ZIC1: variants seen among roughly 807,000 people sequenced by gnomAD.
ZIC1 encodes Zic family zinc finger 1, also known as zinc finger protein ZIC 1.
In ZIC1, 4 loss-of-function variants were observed where a neutral mutation model predicts 30.9. The observed-to-expected ratio is 0.13, with a 90% CI of 0.06 to 0.30. The LOEUF (loss-of-function observed/expected upper bound fraction) is 0.30, where lower values mean the gene tolerates loss of function less well. ZIC1 is among the 10% of genes least tolerant of loss of function. ZIC1 has a pLI of 1.00. For synonymous variants in ZIC1, 305 were observed against 277.5 expected (o/e 1.10, Z -0.98); for missense variants, 441 against 639.3 (o/e 0.69, Z 3.34).
chr3:147,410,077 G>C lies in ZIC1; in HGVS notation c.-36G>C, dbSNP rs537795676. 2 of 1,437,836 alleles carry C rather than the reference G, an allele frequency of 1.4e-6. No homozygotes were observed. Among genetic ancestry groups the C allele is most frequent in the Non-Finnish European group, 1.8e-6 (2 of 1,103,122 alleles). 89.1% of individuals were successfully genotyped at this position (1,437,836 alleles called of 1,614,324 possible). Reference sequence around the variant, plus strand: ...CTCCTCGGCTGGCGAGGGTGGGGGGGGCGGGGGAGGCCGGGGCTCGCCCCG... The same window carrying C: ...CTCCTCGGCTGGCGAGGGTGGGGGGCGCGGGGGAGGCCGGGGCTCGCCCCG... On this transcript the variant is annotated 5_prime_UTR_variant, in exon 1 of 3. Coordinates refer to ENST00000282928, the MANE Select transcript of ZIC1 (RefSeq NM_003412.4).
chr3:147,412,450 T>C (rs2087389353), intron 1 of ZIC1, 68 bp from the exon 2 acceptor site: 1 of 1,578,432 alleles, frequency 6.3e-7, no homozygotes, highest in African/African-American at 1.4e-5. Context: ...TTCTATTTGT[T>C]TAGTTTTTGA....
At position 147,414,692 on chromosome 3, in the gene ZIC1, C is replaced by A. The variant is rs774314090; in HGVS notation, c.*1141C>A. 1.3e-5 allele frequency: 2 copies of A among 152,542 alleles called. No individual in the cohort carries two copies. Among genetic ancestry groups the A allele is most frequent in the Non-Finnish European group, 2.9e-5 (2 of 68,030 alleles). 9.4% of individuals were successfully genotyped at this position (152,542 alleles called of 1,614,324 possible). A position where few individuals can be genotyped will look rare whatever the true frequency, so the allele number is the denominator to read the frequency against. On this transcript the variant is annotated 3_prime_UTR_variant, in exon 3 of 3. Coordinates refer to ENST00000282928, the MANE Select transcript of ZIC1 (RefSeq NM_003412.4). Reference sequence around the variant, plus strand: ...TTTCTGTCACTGCAGGTCGTATAAACGTGATAAATGAATGCTACCCTGCTG... The same window carrying A: ...TTTCTGTCACTGCAGGTCGTATAAAAGTGATAAATGAATGCTACCCTGCTG...
In ZIC1 at chr3:147,409,942, G is replaced by T. The variant is rs2087349495; in HGVS notation, c.-171G>T. The T allele has an allele frequency of 1.4e-6, 1 of 698,428 alleles. No homozygotes were observed. Among genetic ancestry groups the T allele is most frequent in the Non-Finnish European group, 2.2e-6 (1 of 462,042 alleles). The allele number at this position is 698,428 out of a possible 1,614,324, so 43.3% of individuals were successfully genotyped here. On this transcript the variant is annotated 5_prime_UTR_variant, in exon 1 of 3. Coordinates refer to ENST00000282928, the MANE Select transcript of ZIC1 (RefSeq NM_003412.4). ...CCCGGCCAGCGCCCGGGCGCGCCGCGCCATTGCCTGCAGGCTAGGACTTCG... is the reference window on the plus strand; with the variant it reads ...CCCGGCCAGCGCCCGGGCGCGCCGCTCCATTGCCTGCAGGCTAGGACTTCG...
rs1016879518 is a variant in ZIC1 at position 147,409,515 on chromosome 3, C to A, written c.-598C>A. ...TTCTTTGGCTTTTTCTTTCTTTCTT[C>A]ACCCCCCCACCCACTTTTTTTTTTT... On this transcript the variant is annotated 5_prime_UTR_variant, in exon 1 of 3. Coordinates refer to ENST00000282928, the MANE Select transcript of ZIC1 (RefSeq NM_003412.4). 6.6e-6 allele frequency: 1 copy of A among 151,850 alleles called. No homozygotes were observed. The highest frequency in any genetic ancestry group is 2.4e-5 in the African/African-American group (1 of 41,142). The allele number at this position is 151,850 out of a possible 1,614,324, so 9.4% of individuals were successfully genotyped here.
rs1186571686 is a variant in ZIC1, at chr3:147,410,234, C to A, written c.122C>A (p.Ala41Asp). 1.2e-6 allele frequency: 2 copies of A among 1,601,514 alleles called. No homozygotes were observed. Among genetic ancestry groups the A allele is most frequent in the Middle Eastern group, 1.6e-4 (1 of 6,062 alleles). Residue 41 changes from alanine to aspartate, a missense_variant, in exon 1 of 3, where the codon GCC becomes GAC. This residue lies in a region of ZIC1 where 307 missense variants were observed against 355.3 expected (regional missense o/e 0.86). Transcript: ENST00000282928. ...RDVGLGINPFADGMGAFKLNP... is the reference protein window; with the variant it reads ...RDVGLGINPFDDGMGAFKLNP... ...GTGGGCCTGGGCATCAACCCGTTCG[C>A]CGACGGCATGGGCGCCTTCAAGCTC...
Position 147,410,521 on chromosome 3 carries a change from G to C in ZIC1, c.409G>C (p.Ala137Pro), listed in dbSNP as rs778023386. Reference sequence around the variant, plus strand: ...CGGGGGCCCACACGGCCACACGGACGCCGCGGGCCACCTCCTCTTCCCCGG... The same window carrying C: ...CGGGGGCCCACACGGCCACACGGACCCCGCGGGCCACCTCCTCTTCCCCGG... ...GFGGPHGHTD[A>P]AGHLLFPGLH... The change falls in exon 1 of 3, where the codon GCC becomes CCC. Residue 137 changes from alanine (A) to proline (P), a missense_variant. Around this residue, in one of 5 missense-constraint regions of ZIC1, gnomAD observed 307 missense variants for 355.3 expected, o/e 0.86. Coordinates refer to ENST00000282928, the MANE Select transcript of ZIC1 (RefSeq NM_003412.4). 1 of 1,608,494 alleles carries C rather than the reference G, an allele frequency of 6.2e-7. No individual in the cohort carries two copies. The highest frequency in any genetic ancestry group is 1.3e-5 in the African/African-American group (1 of 74,972).
rs941319588 is a variant in ZIC1 at position 147,416,489 on chromosome 3, C to T, written c.*2938C>T. The T allele has an allele frequency of 2.6e-5, 4 of 152,078 alleles. No homozygotes were observed. Among genetic ancestry groups the T allele is most frequent in the African/African-American group, 7.2e-5 (3 of 41,418 alleles). 9.4% of individuals were successfully genotyped at this position (152,078 alleles called of 1,614,324 possible). A position where few individuals can be genotyped will look rare whatever the true frequency, so the allele number is the denominator to read the frequency against. Reference sequence around the variant, plus strand: ...CCTGATGCCCCTTTTGCTTTAATACCACAGTGTAACAATTAAATATCACAC... The same window carrying T: ...CCTGATGCCCCTTTTGCTTTAATACTACAGTGTAACAATTAAATATCACAC... On this transcript the variant is annotated 3_prime_UTR_variant, in exon 3 of 3. Transcript: ENST00000282928.
chr3:147,412,868 A>C (rs1292157718), intron 2 of ZIC1, among the ~76,000 whole-genome samples, 187 bp downstream of exon 2: 1 of 152,202 alleles, frequency 6.6e-6, no homozygotes, highest in Non-Finnish European at 1.5e-5. Flanking sequence ...GGAGTGTCCA[A>C]GGCCGTTTTA....
intron 1 of ZIC1, among the ~76,000 whole-genome samples, chr3:147,412,268 A>T (rs2087387909): frequency 6.6e-6 from 1 of 152,106 alleles, no homozygotes; most frequent in African/African-American, 2.4e-5. Context: ...GACTCCTCCT[A>T]CTATTAATTT....
rs2087352068 is a variant in ZIC1 at position 147,410,074 on chromosome 3, G to A, written c.-39G>A. On this transcript the variant is annotated 5_prime_UTR_variant, in exon 1 of 3. Coordinates refer to ENST00000282928, the MANE Select transcript of ZIC1 (RefSeq NM_003412.4). ...TCCCTCCTCGGCTGGCGAGGGTGGGGGGGGCGGGGGAGGCCGGGGCTCGCC... is the reference window on the plus strand; with the variant it reads ...TCCCTCCTCGGCTGGCGAGGGTGGGAGGGGCGGGGGAGGCCGGGGCTCGCC... 7.0e-7 allele frequency: 1 copy of A among 1,432,440 alleles called. No homozygotes were observed. The highest frequency in any genetic ancestry group is 9.1e-7 in the Non-Finnish European group (1 of 1,101,148). 88.7% of individuals were successfully genotyped at this position (1,432,440 alleles called of 1,614,324 possible).
rs1436137409 is a variant in ZIC1, at chr3:147,409,738, A to G, written c.-375A>G. The G allele has an allele frequency of 4.3e-6, 1 of 234,272 alleles. No homozygotes were observed. The highest frequency in any genetic ancestry group is 2.3e-5 in the African/African-American group (1 of 44,044). The allele number at this position is 234,272 out of a possible 1,614,324, so 14.5% of individuals were successfully genotyped here. ...TCCTCTATGCTACAAATCCAGGAGGAAGTTTTTTTTTAGGGGGCTGAGATG... is the reference window on the plus strand; with the variant it reads ...TCCTCTATGCTACAAATCCAGGAGGGAGTTTTTTTTTAGGGGGCTGAGATG... On this transcript the variant is annotated 5_prime_UTR_variant, in exon 1 of 3. Transcript: ENST00000282928.
In ZIC1 at chr3:147,411,218, C is replaced by T. The variant is rs2087373808; in HGVS notation, c.982+124C>T. On this transcript the variant is annotated intron_variant, in intron 1 of 2. Transcript: ENST00000282928. ...ATCCCGGGCGTCAGGTTCCGGCAGG[C>T]AGGCAGGGAAAGTGTGCGCTGATTT... 52 of 1,349,310 alleles carry T rather than the reference C, an allele frequency of 3.9e-5. No individual in the cohort carries two copies. In the South Asian group the frequency reaches 7.0e-4, roughly 18 times the overall value. 83.6% of individuals were successfully genotyped at this position (1,349,310 alleles called of 1,614,324 possible).
intron 1 of ZIC1, among the ~76,000 whole-genome samples, chr3:147,411,978 C>G (rs1226689163): frequency 6.6e-6 from 1 of 152,122 alleles, no homozygotes; most frequent in African/African-American, 2.4e-5. Context: ...CTTGAGACTT[C>G]GGGTTTAACG....
rs1297602991 is a variant in ZIC1 at position 147,415,940 on chromosome 3, A to G, written c.*2389A>G. The G allele has an allele frequency of 6.6e-6, 1 of 152,190 alleles. No homozygotes were observed. The highest frequency in any genetic ancestry group is 2.4e-5 in the African/African-American group (1 of 41,450). The allele number at this position is 152,190 out of a possible 1,614,324, so 9.4% of individuals were successfully genotyped here. On this transcript the variant is annotated 3_prime_UTR_variant, in exon 3 of 3. Transcript: ENST00000282928. ...CTGCACTTACTGTACCACATCAAACACTGGGGAGGGTGGTGTTTAACTTTT... is the reference window on the plus strand; with the variant it reads ...CTGCACTTACTGTACCACATCAAACGCTGGGGAGGGTGGTGTTTAACTTTT...
intron 2 of ZIC1, among the ~76,000 whole-genome samples, chr3:147,412,938 A>G (rs1282370054): frequency 1.3e-5 from 2 of 152,178 alleles, no homozygotes; most frequent in African/African-American, 4.8e-5. Flanking sequence ...CCGCCACTGA[A>G]TTTGGCCCAG....
Position 147,413,404 on chromosome 3 carries a change from T to C in ZIC1, c.1197T>C (p.Ser399=), listed in dbSNP as rs930582030. The part of the protein sequence containing the change: ...QGSQPSPAAS[S]GYESSTPPTI... ...CGCAGCCTTCGCCGGCCGCCAGCTC[T>C]GGCTACGAATCCTCCACGCCTCCCA... is the stretch of plus-strand genomic sequence containing the variant. Residue 399 remains serine, a synonymous_variant, in exon 3 of 3, where the codon TCT becomes TCC. Coordinates refer to ENST00000282928, the MANE Select transcript of ZIC1 (RefSeq NM_003412.4). The C allele has an allele frequency of 1.9e-6, 3 of 1,613,952 alleles. No homozygotes were observed. Among genetic ancestry groups the C allele is most frequent in the Admixed American group, 3.3e-5 (2 of 59,996 alleles).
At chr3:147,411,544 G>T (rs890790381) in intron 1 of ZIC1, among the ~76,000 whole-genome samples, 2 of 152,214 alleles carry the variant, frequency 1.3e-5, no homozygotes, top group Non-Finnish European at 2.9e-5. Flanking sequence ...AATTGAGGAG[G>T]CCGGGTTAAG....
intron 1 of ZIC1, 69 bp from the exon 2 acceptor site, chr3:147,412,449 T>C (rs1457088267): frequency 1.9e-6 from 3 of 1,576,338 alleles, no homozygotes; most frequent in African/African-American, 1.4e-5. Flanking sequence ...TTTCTATTTG[T>C]TTAGTTTTTG....
Position 147,416,238 on chromosome 3 carries a change from T to A in ZIC1, c.*2687T>A, listed in dbSNP as rs2087432643. The stretch of plus-strand genomic sequence containing the variant: ...AGACATCTCTTCTCTCTAGAAAAGA[T>A]AACACCACAATTAATAATCCTTCCC... On this transcript the variant is annotated 3_prime_UTR_variant, in exon 3 of 3. Coordinates refer to ENST00000282928, the MANE Select transcript of ZIC1 (RefSeq NM_003412.4). 6.6e-6 allele frequency: 1 copy of A among 152,220 alleles called. No individual in the cohort carries two copies. The highest frequency in any genetic ancestry group is 1.5e-5 in the Non-Finnish European group (1 of 68,036). The allele number at this position is 152,220 out of a possible 1,614,324, so 9.4% of individuals were successfully genotyped here.
Sources: gnomAD v4.1 joint callset for allele counts (sites outside exome capture counted in the v4.1 genomes callset) on GRCh38, gnomAD v4.1.1 for gene constraint, gnomAD v4.1.1 regional missense constraint, MANE v1.5 for transcripts, NCBI Gene and HGNC (gene_info 2026-07-23, HGNC 2026-07-21) for gene names.